KCNIP4: variants seen among roughly 807,000 people sequenced by gnomAD.
KCNIP4 encodes Kv channel-interacting protein 4.
Under a neutral mutation model 34.0 loss-of-function variants are expected in KCNIP4, and 12 were observed. That is an observed-to-expected ratio of 0.35 (90% CI 0.23 to 0.57). The LOEUF is 0.57. Ranked by LOEUF, KCNIP4 falls within the 20% of genes least tolerant of loss-of-function variation. The probability of loss-of-function intolerance (pLI) is 0.83; values close to 1 mark genes in which losing one functional copy is unlikely to be tolerated. For missense variants in KCNIP4, 238 were observed against 311.7 expected (o/e 0.76, Z 1.78); for synonymous variants, 124 against 102.2 (o/e 1.21, Z -1.29).
At chr4:21,270,150 G>A (rs568294970) in intron 1 of KCNIP4, among the ~76,000 whole-genome samples, 6 of 152,118 alleles carry the variant, frequency 3.9e-5, no homozygotes, top group Non-Finnish European at 5.9e-5. Context: ...AGGCTCTGAC[G>A]GTGTTAAGCA....
At chr4:21,015,469 CATATA>C (rs1739420448) in intron 1 of KCNIP4, among the ~76,000 whole-genome samples, 1 of 136,106 alleles carries the variant, frequency 7.3e-6, no homozygotes, top group Non-Finnish European at 1.5e-5. Flanking sequence ...AATATATAAC[CATATA>C]ATATATATTA....
chr4:21,147,689 A>G (rs1752457224), intron 1 of KCNIP4, among the ~76,000 whole-genome samples: 1 of 152,118 alleles, frequency 6.6e-6, no homozygotes, highest in Admixed American at 6.5e-5. Context: ...CTGTTATCCC[A>G]TCACTTTGGG....
intron 8 of KCNIP4, among the ~76,000 whole-genome samples, chr4:20,730,911 G>A (rs544757773): frequency 1.1e-4 from 17 of 152,154 alleles, no homozygotes; most frequent in South Asian, 4.2e-4. Context: ...TAACATCACC[G>A]TCAAGCAGCT....
chr4:21,395,562 G>C (rs1457907070), intron 1 of KCNIP4, among the ~76,000 whole-genome samples: 1 of 151,252 alleles, frequency 6.6e-6, no homozygotes, highest in Admixed American at 6.6e-5. Flanking sequence ...TCCATATTTT[G>C]TCAGTTTAGT....
chr4:21,415,289 G>A (rs1287185706), intron 1 of KCNIP4, among the ~76,000 whole-genome samples: 1 of 152,038 alleles, frequency 6.6e-6, no homozygotes, highest in Non-Finnish European at 1.5e-5. Context: ...TGGTTGCCAG[G>A]GGCTGGAGGA....
chr4:21,557,362 A>T (rs2109026253), intron 1 of KCNIP4, among the ~76,000 whole-genome samples: 1 of 152,286 alleles, frequency 6.6e-6, no homozygotes, highest in African/African-American at 2.4e-5. Flanking sequence ...GAAAAGTAAA[A>T]TACAATATTG....
chr4:21,930,015 C>T (rs937946629), intron 1 of KCNIP4, among the ~76,000 whole-genome samples: 1 of 152,078 alleles, frequency 6.6e-6, no homozygotes, highest in African/African-American at 2.4e-5. Flanking sequence ...TCCTAAGTGA[C>T]CTCTTCTGTT....
chr4:20,732,168 C>T, intron 7 of KCNIP4, 100 bp from the exon 8 acceptor site: 1 of 793,744 alleles, frequency 1.3e-6, no homozygotes, highest in East Asian at 2.6e-5. Flanking sequence ...AACCTAGCTG[C>T]TTATTTATTT....
At chr4:21,439,044 C>T (rs950636513) in intron 1 of KCNIP4, among the ~76,000 whole-genome samples, 1 of 151,928 alleles carries the variant, frequency 6.6e-6, no homozygotes, top group Non-Finnish European at 1.5e-5. Flanking sequence ...CGCCTGTAGT[C>T]CCAGGTACTC....
chr4:21,399,043 G>T (rs749073389), intron 1 of KCNIP4, among the ~76,000 whole-genome samples: 34 of 152,184 alleles, frequency 2.2e-4, no homozygotes, highest in Non-Finnish European at 4.0e-4. Flanking sequence ...TGGCAAAAGG[G>T]TTTTCTTTTT....
intron 1 of KCNIP4, among the ~76,000 whole-genome samples, chr4:21,002,178 T>TC (rs1738192927): frequency 6.6e-6 from 1 of 152,200 alleles, no homozygotes; most frequent in Admixed American, 6.5e-5. Flanking sequence ...CTTTATTTTT[T>TC]CCCACCATTG....
At position 20,963,208 on chromosome 4, in the gene KCNIP4, T is replaced by C. The variant is rs376080908; in HGVS notation, c.62-80499A>G. On this transcript the variant is annotated intron_variant, in intron 1 of 8. Coordinates refer to ENST00000382152, the MANE Select transcript of KCNIP4 (RefSeq NM_025221.6). ...TGGGCATGGTGACACACGCCTGTAGTCCCAGCTGCTGGGGAGGGTGAGGCA... is the reference window on the plus strand; with the variant it reads ...TGGGCATGGTGACACACGCCTGTAGCCCCAGCTGCTGGGGAGGGTGAGGCA... Among the ~76,000 whole-genome samples, 33 of 152,050 alleles carry C rather than the reference T, an allele frequency of 2.2e-4. No individual in the cohort carries two copies. The South Asian group carries it at 3.1e-3, about 14-fold the overall frequency.
intron 1 of KCNIP4, among the ~76,000 whole-genome samples, chr4:21,667,152 A>G (rs936136725): frequency 6.6e-6 from 1 of 152,184 alleles, no homozygotes; most frequent in Non-Finnish European, 1.5e-5. Context: ...TGCCCATGAC[A>G]TCAGAAGATG....
At chr4:20,749,481 AATGTGGCT>A in intron 5 of KCNIP4, among the ~76,000 whole-genome samples, 173 bp downstream of exon 5, 1 of 152,154 alleles carries the variant, frequency 6.6e-6, no homozygotes, top group Non-Finnish European at 1.5e-5. Flanking sequence ...AAATAAACTG[AATGTGGCT>A]TGCAATTTGT....
At chr4:21,690,322 T>A (rs960343061) in intron 1 of KCNIP4, among the ~76,000 whole-genome samples, 1 of 151,802 alleles carries the variant, frequency 6.6e-6, no homozygotes, top group East Asian at 1.9e-4. Flanking sequence ...CAAGAAAAGA[T>A]GTTGATATGG....
chr4:21,041,475 C>T (rs4318646), intron 1 of KCNIP4, among the ~76,000 whole-genome samples: 77,318 of 151,990 alleles, frequency 0.51, 21,331 homozygotes, highest in African/African-American at 0.74. Context: ...TAAAACAATT[C>T]CAAATTAAAG....
intron 1 of KCNIP4, among the ~76,000 whole-genome samples, chr4:21,166,260 CAG>C (rs1166652178): frequency 6.6e-6 from 1 of 152,128 alleles, no homozygotes; most frequent in Non-Finnish European, 1.5e-5. Context: ...AGAGTTTGAG[CAG>C]ACACTTCCAC....
intron 1 of KCNIP4, among the ~76,000 whole-genome samples, chr4:21,771,040 G>T (rs1718747226): frequency 6.6e-6 from 1 of 152,096 alleles, no homozygotes; most frequent in South Asian, 2.1e-4. Context: ...AAATGATATT[G>T]CCTAGGTTTT....
chr4:21,228,418 T>C (rs1243698201), intron 1 of KCNIP4, among the ~76,000 whole-genome samples: 2 of 152,128 alleles, frequency 1.3e-5, no homozygotes, highest in East Asian at 1.9e-4. Flanking sequence ...GAACTGTGAG[T>C]CAATGAAACC....
Sources: allele counts gnomAD v4.1 joint callset (sites outside exome capture counted in the v4.1 genomes callset), GRCh38; gene constraint gnomAD v4.1.1; transcripts MANE v1.5; gene names NCBI Gene and HGNC (gene_info 2026-07-23, HGNC 2026-07-21).